Variants in COQ10B observed in about 807,000 individuals in gnomAD.
COQ10B encodes the protein coenzyme Q10B, also known as coenzyme Q-binding protein COQ10 homolog B, mitochondrial.
In COQ10B, 12 loss-of-function variants were observed where a neutral mutation model predicts 27.6. That is an observed-to-expected ratio of 0.43 (90% CI 0.28 to 0.70). The LOEUF (loss-of-function observed/expected upper bound fraction) is 0.70. Among genes scored for constraint, COQ10B ranks in the 30% least tolerant of loss-of-function variants. The pLI is 0.17. For missense variants in COQ10B, 278 were observed against 288.7 expected, an observed-to-expected ratio of 0.96 and a Z score of 0.27; for synonymous variants, 115 against 103.0, an observed-to-expected ratio of 1.12 and a Z score of -0.71.
At chr2:197,461,888 A>G (rs941023349) in intron 2 of COQ10B, among the ~76,000 whole-genome samples, 12 of 151,650 alleles carry the variant, frequency 7.9e-5, no homozygotes, top group African/African-American at 2.4e-4. Flanking sequence ...TGATCTACCC[A>G]CCTCAGCTTC....
At chr2:197,466,674 T>G (rs1269184437) in intron 3 of COQ10B, among the ~76,000 whole-genome samples, 1 of 152,194 alleles carries the variant, frequency 6.6e-6, no homozygotes, top group Non-Finnish European at 1.5e-5. Context: ...AGGGATAAAC[T>G]GTATTAGAAA....
chr2:197,471,934 A>G (rs1358675038), intron 4 of COQ10B, among the ~76,000 whole-genome samples: 2 of 147,184 alleles, frequency 1.4e-5, no homozygotes, highest in East Asian at 2.0e-4. Context: ...AGAGTGAGAC[A>G]CTGTCTCAAA....
At chr2:197,453,848 C>A in intron 1 of COQ10B, 184 bp downstream of exon 1, 1 of 1,185,234 alleles carries the variant, frequency 8.4e-7, no homozygotes, top group Non-Finnish European at 1.2e-6. Flanking sequence ...TCACCTTGGG[C>A]CCAAGGCTGT....
chr2:197,461,171 A>G (rs952412284), intron 2 of COQ10B, among the ~76,000 whole-genome samples: 2 of 152,208 alleles, frequency 1.3e-5, no homozygotes, highest in Non-Finnish European at 2.9e-5. Context: ...GGTAATGCTA[A>G]CAGCCCTATA....
chr2:197,454,257 T>C (rs1183536738), intron 1 of COQ10B: 1 of 962,520 alleles, frequency 1.0e-6, no homozygotes, highest in Admixed American at 3.1e-5. Context: ...GTTGGTTCAT[T>C]TTTTGGTAGG....
chr2:197,455,685 C>T (rs535524873), intron 1 of COQ10B, among the ~76,000 whole-genome samples: 1 of 151,972 alleles, frequency 6.6e-6, no homozygotes, highest in Admixed American at 6.6e-5. Context: ...CAAGGCCGGA[C>T]ACAGTGACTC....
At chr2:197,467,009 G>A (rs1263366783) in intron 3 of COQ10B, among the ~76,000 whole-genome samples, 1 of 149,004 alleles carries the variant, frequency 6.7e-6, no homozygotes, top group Non-Finnish European at 1.5e-5. Flanking sequence ...GCAATGGCAT[G>A]ATCTACGGCT....
intron 4 of COQ10B, among the ~76,000 whole-genome samples, chr2:197,471,063 C>T (rs2085872424): frequency 6.6e-6 from 1 of 152,074 alleles, no homozygotes; most frequent in Admixed American, 6.6e-5. Context: ...GAGACCCTGT[C>T]TCAAAAAATT....
chr2:197,472,285 A>T (rs1429314307), intron 4 of COQ10B, among the ~76,000 whole-genome samples: 1 of 152,156 alleles, frequency 6.6e-6, no homozygotes, highest in East Asian at 1.9e-4. Context: ...AAGTTCTGAA[A>T]GGGTATCCAA....
chr2:197,466,147 A>G (rs2085823056), intron 3 of COQ10B, among the ~76,000 whole-genome samples: 1 of 152,202 alleles, frequency 6.6e-6, no homozygotes, highest in African/African-American at 2.4e-5. Context: ...AAATCTCTTT[A>G]TCATTGCACA....
intron 2 of COQ10B, among the ~76,000 whole-genome samples, chr2:197,462,099 C>G (rs2085766832): frequency 6.6e-6 from 1 of 151,904 alleles, no homozygotes; most frequent in African/African-American, 2.4e-5. Flanking sequence ...GAAACCCCAT[C>G]TCTATTAAAA....
At chr2:197,471,466 CGTA>C (rs1237756413) in intron 4 of COQ10B, among the ~76,000 whole-genome samples, 1 of 151,606 alleles carries the variant, frequency 6.6e-6, no homozygotes, top group Admixed American at 6.6e-5. Flanking sequence ...TTCATATAAT[CGTA>C]GTTATAGAAA....
intron 1 of COQ10B, chr2:197,453,962 T>C (rs1356800470): frequency 6.4e-7 from 1 of 1,550,572 alleles, no homozygotes; most frequent in African/African-American, 1.4e-5. Flanking sequence ...TCTCCTCCCC[T>C]ATGGCTTGTT....
At chr2:197,454,274 T>G in intron 1 of COQ10B, 1 of 706,654 alleles carries the variant, frequency 1.4e-6, no homozygotes, top group Non-Finnish European at 2.3e-6. Context: ...TAGGTGGGGG[T>G]GGAGATGGAG....
At position 197,470,147 on chromosome 2, in the gene COQ10B, A is replaced by C. The variant is rs140640160; in HGVS notation, c.525A>C (p.Pro175=). The C allele has an allele frequency of 2.1e-3, 3,407 of 1,611,830 alleles. 15 individuals carry two copies. The highest frequency in any genetic ancestry group is 2.6e-3 in the South Asian group (233 of 90,990). The part of the protein sequence containing the change: ...WRFSPGLPGY[P]RTCTLDFSIS... ...TTAGCCCAGGTCTTCCTGGCTACCC[A>C]AGAACTTGTACCTTGGATTTTTCAG... The change falls in exon 4 of 5, where the codon CCA becomes CCC. Residue 175 remains proline, a synonymous_variant. Transcript: ENST00000263960.
At chr2:197,467,710 A>T (rs1317022518) in intron 3 of COQ10B, among the ~76,000 whole-genome samples, 2 of 152,240 alleles carry the variant, frequency 1.3e-5, no homozygotes, top group Non-Finnish European at 2.9e-5. Context: ...TAGACAACAC[A>T]GTAAAAATTA....
chr2:197,455,354 A>G (rs774073375), intron 1 of COQ10B, among the ~76,000 whole-genome samples: 1 of 152,156 alleles, frequency 6.6e-6, no homozygotes, highest in Non-Finnish European at 1.5e-5. Context: ...TACTGGGCGC[A>G]GTGGCTTATG....
chr2:197,473,704 A>G, intron 4 of COQ10B, 53 bp from the exon 5 acceptor site: 1 of 1,312,124 alleles, frequency 7.6e-7, no homozygotes, highest in South Asian at 1.8e-5. Context: ...CCAAAAAAAA[A>G]AAAAAAGCAA....
At chr2:197,467,429 G>A (rs549443618) in intron 3 of COQ10B, among the ~76,000 whole-genome samples, 1 of 151,980 alleles carries the variant, frequency 6.6e-6, no homozygotes, top group Non-Finnish European at 1.5e-5. Flanking sequence ...CCAGGCTGGA[G>A]TGCAATGGCG....
Sources: gnomAD v4.1 joint callset for allele counts (sites outside exome capture counted in the v4.1 genomes callset) on GRCh38, gnomAD v4.1.1 for gene constraint, MANE v1.5 for transcripts, NCBI Gene and HGNC (gene_info 2026-07-23, HGNC 2026-07-21) for gene names.